The following XPNPEP3 variants were observed in gnomAD, a reference collection of about 807,000 sequenced individuals.
XPNPEP3 encodes the protein X-prolyl aminopeptidase 3, also known as xaa-Pro aminopeptidase 3.
Under a neutral mutation model 60.0 loss-of-function variants are expected in XPNPEP3, and 41 were observed. The ratio of observed to expected loss-of-function variants is 0.68; its 90% CI spans 0.53 to 0.89. The LOEUF (loss-of-function observed/expected upper bound fraction) is 0.89. Ranked by LOEUF, XPNPEP3 falls within the 40% of genes least tolerant of loss-of-function variation. The pLI, the probability that XPNPEP3 is intolerant of heterozygous loss-of-function variation, is 0.00. For missense variants in XPNPEP3, 598 were observed against 638.9 expected, an observed-to-expected ratio of 0.94 and a Z score of 0.69; for synonymous variants, 212 against 223.2, an observed-to-expected ratio of 0.95 and a Z score of 0.45.
In XPNPEP3 at chr22:40,861,285, C is replaced by T. The variant is rs766378570; in HGVS notation, c.64+4040C>T. 2.2e-5 allele frequency: 36 copies of T among 1,614,148 alleles called. 1 individual carries two copies. The South Asian group carries it at 3.7e-4, about 17-fold the overall frequency. On this transcript the variant is annotated intron_variant, in intron 1 of 9. Transcript: ENST00000357137. ...GTTGAATGACTGTGTTCTCCAGCTG[C>T]ATTCTTTTGCAAAGCCCTCTTCATT...
intron 9 of XPNPEP3, among the ~76,000 whole-genome samples, chr22:40,925,875 G>T (rs952131662): frequency 6.6e-6 from 1 of 152,022 alleles, no homozygotes; most frequent in Non-Finnish European, 1.5e-5. Flanking sequence ...TTTTCCAAGG[G>T]ACTCTTAGGC....
chr22:40,903,420 C>G (rs2058142377), intron 4 of XPNPEP3, among the ~76,000 whole-genome samples: 1 of 152,008 alleles, frequency 6.6e-6, no homozygotes, highest in African/African-American at 2.4e-5. Flanking sequence ...TAGCCCCAGC[C>G]AGACCAGCAA....
intron 5 of XPNPEP3, 117 bp downstream of exon 5, chr22:40,907,766 A>G (rs1333114488): frequency 7.8e-6 from 8 of 1,021,048 alleles, no homozygotes; most frequent in Non-Finnish European, 9.1e-6. Flanking sequence ...GTCATTGGAG[A>G]GGATTTGGTT....
At position 40,928,565 on chromosome 22, in the gene XPNPEP3, G is replaced by A. The variant is rs911651071; in HGVS notation, c.*2130G>A. 2 of 152,134 alleles carry A rather than the reference G, an allele frequency of 1.3e-5. No homozygotes were observed. The highest frequency in any genetic ancestry group is 4.8e-5 in the African/African-American group (2 of 41,410). The allele number at this position is 152,134 out of a possible 1,614,324, so 9.4% of individuals were successfully genotyped here. Reference sequence around the variant, plus strand: ...ATACAATTATACAGCAACTCAGTTTGCAAGATGAACAGGGCTAGATTACCA... The same window carrying A: ...ATACAATTATACAGCAACTCAGTTTACAAGATGAACAGGGCTAGATTACCA... On this transcript the variant is annotated 3_prime_UTR_variant, in exon 10 of 10. Coordinates refer to ENST00000357137, the MANE Select transcript of XPNPEP3 (RefSeq NM_022098.4).
intron 4 of XPNPEP3, among the ~76,000 whole-genome samples, chr22:40,899,930 G>A (rs1013595568): frequency 6.6e-6 from 1 of 151,930 alleles, no homozygotes; most frequent in African/African-American, 2.4e-5. Context: ...CGAATACTCG[G>A]GAGGCAGTCT....
intron 7 of XPNPEP3, among the ~76,000 whole-genome samples, chr22:40,921,450 C>T (rs533396348): frequency 2.0e-5 from 3 of 147,732 alleles, no homozygotes; most frequent in Non-Finnish European, 4.5e-5. Flanking sequence ...TGAAGAGTTC[C>T]AGACCAACCT....
At chr22:40,861,459 C>G in intron 1 of XPNPEP3, 1 of 1,614,154 alleles carries the variant, frequency 6.2e-7, no homozygotes, top group African/African-American at 1.3e-5. Context: ...GTCCATCCCA[C>G]TATTATCAAA....
In XPNPEP3 at chr22:40,861,575, A is replaced by G. The variant is rs755775953; in HGVS notation, c.64+4330A>G. 4 of 1,613,344 alleles carry G rather than the reference A, an allele frequency of 2.5e-6. No individual in the cohort carries two copies. In the African/African-American group the frequency reaches 5.3e-5, roughly 22 times the overall value. On this transcript the variant is annotated intron_variant, in intron 1 of 9. Coordinates refer to ENST00000357137, the MANE Select transcript of XPNPEP3 (RefSeq NM_022098.4). ...TCTCAAAAATTGGATATTCACTGGCAGTGGAGAAAAAGTATCCTGCATCTC... is the reference window on the plus strand; with the variant it reads ...TCTCAAAAATTGGATATTCACTGGCGGTGGAGAAAAAGTATCCTGCATCTC...
At chr22:40,898,184 T>C (rs542577037) in intron 4 of XPNPEP3, among the ~76,000 whole-genome samples, 1 of 149,986 alleles carries the variant, frequency 6.7e-6, no homozygotes, top group East Asian at 2.0e-4. Flanking sequence ...CCCTATGTTT[T>C]CTTCTAAGAG....
At chr22:40,926,136 G>A (rs993662746) in intron 9 of XPNPEP3, 133 bp from the exon 10 acceptor site, 15 of 921,412 alleles carry the variant, frequency 1.6e-5, no homozygotes, top group Non-Finnish European at 1.9e-5. Flanking sequence ...AATCCTCACA[G>A]CTTTACTAGG....
intron 1 of XPNPEP3, 90 bp downstream of exon 1, chr22:40,857,335 C>T (rs2057907384): frequency 1.4e-6 from 2 of 1,443,180 alleles, no homozygotes; most frequent in Non-Finnish European, 1.9e-6. Context: ...GCTGACCCTT[C>T]TCCTGGTGGG....
chr22:40,901,084 C>T (rs146830199), intron 4 of XPNPEP3, among the ~76,000 whole-genome samples: 91 of 151,664 alleles, frequency 6.0e-4, no homozygotes, highest in African/African-American at 2.2e-3. Context: ...GTGAGACCTC[C>T]TCTCTTTTTA....
chr22:40,897,121 G>A (rs757614501), intron 4 of XPNPEP3, among the ~76,000 whole-genome samples: 1 of 145,248 alleles, frequency 6.9e-6, no homozygotes, highest in Admixed American at 7.2e-5. Flanking sequence ...AGGCTCCGCC[G>A]GGTTCACGCC....
chr22:40,909,022 A>C (rs1238607221), intron 5 of XPNPEP3, 100 bp from the exon 6 acceptor site: 1 of 892,438 alleles, frequency 1.1e-6, no homozygotes, highest in East Asian at 2.4e-5. Context: ...GTAATGACTT[A>C]AGATAAGTAC....
intron 1 of XPNPEP3, among the ~76,000 whole-genome samples, chr22:40,857,510 A>C (rs1160034284): frequency 6.6e-6 from 1 of 152,152 alleles, no homozygotes; most frequent in Non-Finnish European, 1.5e-5. Flanking sequence ...CTTCCAAGTT[A>C]CTCGGACTCC....
intron 1 of XPNPEP3, chr22:40,862,103 A>G: frequency 6.7e-7 from 1 of 1,503,532 alleles, no homozygotes; most frequent in Non-Finnish European, 8.8e-7. Context: ...AAATAGGTAC[A>G]CTTTTATGTT....
At position 40,914,300 on chromosome 22, in the gene XPNPEP3, CACGT is replaced by C; in HGVS notation, c.1036_1039del (p.Thr346GlyfsTer19). ...TCTTCCTGCTATGTGAGTGACATCA[CACGT>C]ACGTGGCCAGTCAATGGCAGGTAGG... is the stretch of plus-strand genomic sequence containing the variant. On this transcript the variant is annotated frameshift_variant, in exon 7 of 10. Transcript: ENST00000357137. LOFTEE classifies it high-confidence loss of function. 1 of 1,614,038 alleles carries C rather than the reference CACGT, an allele frequency of 6.2e-7. No individual in the cohort carries two copies. The highest frequency in any genetic ancestry group is 1.3e-5 in the African/African-American group (1 of 75,014).
intron 4 of XPNPEP3, among the ~76,000 whole-genome samples, chr22:40,899,218 ATCAAAAAAAT>A (rs2058121637): frequency 6.6e-6 from 1 of 152,102 alleles, no homozygotes. Flanking sequence ...CAGCTGACTC[ATCAAAAAAAT>A]GATAGTAGCC....
At chr22:40,887,748 A>T (rs1325846720) in intron 4 of XPNPEP3, among the ~76,000 whole-genome samples, 1 of 151,856 alleles carries the variant, frequency 6.6e-6, no homozygotes, top group South Asian at 2.1e-4. Context: ...TCAGCTAGGG[A>T]TTTTTGTTTT....
Sources: allele counts gnomAD v4.1 joint callset (sites outside exome capture counted in the v4.1 genomes callset), GRCh38; gene constraint gnomAD v4.1.1; transcripts MANE v1.5; gene names NCBI Gene and HGNC (gene_info 2026-07-23, HGNC 2026-07-21).